The following NEK1 variants were observed in gnomAD, a reference collection of about 807,000 sequenced individuals.
NEK1 encodes the protein serine/threonine-protein kinase Nek1.
NEK1 carries 137 observed loss-of-function variants against 182.1 expected under a neutral mutation model. That is an observed-to-expected ratio of 0.75 (90% confidence interval 0.65 to 0.87). The LOEUF (loss-of-function observed/expected upper bound fraction) is 0.87, where lower values mean the gene tolerates loss of function less well. Ranked by LOEUF, NEK1 falls within the 40% of genes least tolerant of loss-of-function variation. NEK1 has a pLI of 0.00. For synonymous variants in NEK1, 513 were observed against 492.2 expected (o/e 1.04, Z -0.56); for missense variants, 1,391 against 1,494.4 (o/e 0.93, Z 1.14).
intron 31 of NEK1, among the ~76,000 whole-genome samples, chr4:169,415,101 T>C (rs73863960): frequency 0.014 from 2,137 of 152,322 alleles, 41 homozygotes; most frequent in African/African-American, 0.049. Flanking sequence ...AAAAGCTATA[T>C]TGCAAAATGT....
intron 30 of NEK1, 75 bp from the exon 31 acceptor site, chr4:169,424,875 G>A: frequency 7.1e-7 from 1 of 1,407,138 alleles, no homozygotes; most frequent in Non-Finnish European, 9.4e-7. Context: ...ATAAGGCACA[G>A]TATGTAACAC....
intron 18 of NEK1, among the ~76,000 whole-genome samples, chr4:169,552,247 T>C (rs1375242030): frequency 6.6e-6 from 1 of 152,066 alleles, no homozygotes; most frequent in Non-Finnish European, 1.5e-5. Flanking sequence ...GGCATTTTTA[T>C]TCTTATAGCA....
chr4:169,515,331 C>T (rs1754992023), intron 19 of NEK1, among the ~76,000 whole-genome samples: 1 of 152,056 alleles, frequency 6.6e-6, no homozygotes, highest in Non-Finnish European at 1.5e-5. Context: ...ATTCTATATC[C>T]TTGCTGATTT....
chr4:169,493,739 AAGAG>A (rs1415605891), intron 23 of NEK1, among the ~76,000 whole-genome samples: 1 of 152,236 alleles, frequency 6.6e-6, no homozygotes, highest in Non-Finnish European at 1.5e-5. Flanking sequence ...GACAAAAATA[AAGAG>A]AAAGAATTTA....
At chr4:169,508,156 T>C in intron 21 of NEK1, 92 bp downstream of exon 21, 1 of 1,076,596 alleles carries the variant, frequency 9.3e-7, no homozygotes. Context: ...AGTTTTGTTG[T>C]TGTTGTCGTT....
chr4:169,428,089 T>A (rs1028491259), intron 29 of NEK1, among the ~76,000 whole-genome samples: 14 of 151,922 alleles, frequency 9.2e-5, no homozygotes, highest in African/African-American at 3.1e-4. Flanking sequence ...CCCAAAGTGC[T>A]GGGATTACAG....
At chr4:169,441,639 C>T (rs1385573500) in intron 27 of NEK1, among the ~76,000 whole-genome samples, 1 of 152,238 alleles carries the variant, frequency 6.6e-6, no homozygotes, top group Admixed American at 6.5e-5. Flanking sequence ...ACTGCCTTGG[C>T]AAAGGCCTGT....
At chr4:169,577,950 A>G (rs1199729448) in intron 11 of NEK1, among the ~76,000 whole-genome samples, 4 of 152,194 alleles carry the variant, frequency 2.6e-5, no homozygotes, top group South Asian at 4.2e-4. Context: ...TAAAACAATC[A>G]TTATCATTAA....
At chr4:169,585,972 T>C (rs1004375305) in intron 9 of NEK1, among the ~76,000 whole-genome samples, 6 of 152,086 alleles carry the variant, frequency 3.9e-5, no homozygotes, top group Non-Finnish European at 8.8e-5. Flanking sequence ...ACTAAAAGTA[T>C]TGGGGGAAAA....
At chr4:169,443,058 T>C (rs1259134483) in intron 27 of NEK1, among the ~76,000 whole-genome samples, 1 of 141,686 alleles carries the variant, frequency 7.1e-6, no homozygotes, top group Non-Finnish European at 1.5e-5. Context: ...ATTTTATCTA[T>C]CTATCTATCT....
chr4:169,526,339 A>AC (rs1360929464), intron 19 of NEK1, among the ~76,000 whole-genome samples: 2 of 152,192 alleles, frequency 1.3e-5, no homozygotes, highest in Admixed American at 6.5e-5. Flanking sequence ...AGATTAAAAA[A>AC]TTAGCCACGC....
chr4:169,394,527 T>C lies in NEK1; in HGVS notation c.3848-4A>G, dbSNP rs1341637767. On this transcript the variant is annotated splice_region_variant and splice_polypyrimidine_tract_variant and intron_variant, in intron 35 of 35. Transcript: ENST00000507142. ...TTTGAGGATTATTCATCATTATCTG[T>C]AGAAAAAAGAAAAAAATTGACTTCA... The C allele has an allele frequency of 3.6e-6, 5 of 1,394,490 alleles. No individual in the cohort carries two copies. Among genetic ancestry groups the C allele is most frequent in the African/African-American group, 1.5e-5 (1 of 67,538 alleles). The allele number at this position is 1,394,490 out of a possible 1,614,324, so 86.4% of individuals were successfully genotyped here.
intron 31 of NEK1, among the ~76,000 whole-genome samples, chr4:169,412,470 A>G (rs578205646): frequency 1.4e-3 from 206 of 152,350 alleles, no homozygotes; most frequent in Non-Finnish European, 2.3e-3. Flanking sequence ...CAGGACAAAG[A>G]AAAGGAAAGC....
chr4:169,409,933 G>A (rs1339167070), intron 31 of NEK1, among the ~76,000 whole-genome samples: 1 of 152,072 alleles, frequency 6.6e-6, no homozygotes, highest in African/African-American at 2.4e-5. Context: ...AATGCCCTTT[G>A]CTCACTTTTT....
At chr4:169,502,064 C>T (rs1279613855) in intron 23 of NEK1, among the ~76,000 whole-genome samples, 1 of 151,904 alleles carries the variant, frequency 6.6e-6, no homozygotes, top group African/African-American at 2.4e-5. Context: ...GGTGACATTA[C>T]AACGGATCCC....
chr4:169,443,051 TTATCTATCTATCTATCTATCTATC>T (rs58470007), intron 27 of NEK1, among the ~76,000 whole-genome samples: 2 of 141,686 alleles, frequency 1.4e-5, no homozygotes, highest in African/African-American at 2.7e-5. Context: ...TAAAAATATT[TTATCTATCTATCTATCTATCTATC>T]TATCTATCTA....
intron 27 of NEK1, among the ~76,000 whole-genome samples, chr4:169,445,556 T>G (rs1365930757): frequency 6.6e-6 from 1 of 151,924 alleles, no homozygotes; most frequent in Non-Finnish European, 1.5e-5. Context: ...TTATCCTAAG[T>G]GAACTAACTC....
intron 12 of NEK1, among the ~76,000 whole-genome samples, chr4:169,568,368 A>C (rs888025603): frequency 4.6e-5 from 7 of 152,220 alleles, no homozygotes; most frequent in Admixed American, 2.6e-4. Flanking sequence ...TCCATGAAAT[A>C]AATTTACTTT....
chr4:169,564,292 T>C (rs1172436144), intron 12 of NEK1, among the ~76,000 whole-genome samples: 2 of 152,088 alleles, frequency 1.3e-5, no homozygotes, highest in African/African-American at 4.8e-5. Flanking sequence ...AGACATTACT[T>C]AAAAAAATTA....
Sources: allele counts gnomAD v4.1 joint callset (sites outside exome capture counted in the v4.1 genomes callset), GRCh38; gene constraint gnomAD v4.1.1; transcripts MANE v1.5; gene names NCBI Gene and HGNC (gene_info 2026-07-23, HGNC 2026-07-21).